The following SV2B variants were observed in gnomAD, a reference collection of about 807,000 sequenced individuals.
The protein encoded by SV2B is synaptic vesicle glycoprotein 2B.
Under a neutral mutation model 73.9 loss-of-function variants are expected in SV2B, and 41 were observed. That is an observed-to-expected ratio of 0.56 (90% CI 0.43 to 0.72). SV2B has a LOEUF of 0.72. SV2B is among the 30% of genes least tolerant of loss of function. The pLI, the probability that SV2B is intolerant of heterozygous loss-of-function variation, is 0.00. For missense variants in SV2B, 764 were observed against 857.8 expected, an observed-to-expected ratio of 0.89 and a Z score of 1.37; for synonymous variants, 314 against 314.2, an observed-to-expected ratio of 1.00 and a Z score of 0.01.
At chr15:91,162,664 CA>C (rs1476103928) in intron 1 of SV2B, among the ~76,000 whole-genome samples, 12 of 152,210 alleles carry the variant, frequency 7.9e-5, no homozygotes, top group Non-Finnish European at 1.2e-4. Context: ...AGGGAAAAAT[CA>C]GGTTCCAATC....
chr15:91,199,122 C>T (rs906057406), intron 1 of SV2B, among the ~76,000 whole-genome samples: 5 of 152,114 alleles, frequency 3.3e-5, no homozygotes, highest in African/African-American at 1.2e-4. Flanking sequence ...GCCACAGTCT[C>T]CTGAGTAGAT....
At chr15:91,159,203 T>G (rs912622549) in intron 1 of SV2B, among the ~76,000 whole-genome samples, 3 of 152,224 alleles carry the variant, frequency 2.0e-5, no homozygotes, top group Admixed American at 6.5e-5. Context: ...CCACCTCAGC[T>G]TCTCTGTCCT....
intron 1 of SV2B, among the ~76,000 whole-genome samples, chr15:91,146,392 C>T (rs1005811885): frequency 6.6e-6 from 1 of 152,048 alleles, no homozygotes; most frequent in African/African-American, 2.4e-5. Context: ...ATGCCTGTGG[C>T]TTTGTTCTTT....
intron 1 of SV2B, among the ~76,000 whole-genome samples, chr15:91,185,179 C>T (rs1394857677): frequency 6.6e-6 from 1 of 152,194 alleles, no homozygotes; most frequent in African/African-American, 2.4e-5. Flanking sequence ...CTCAGTGGAG[C>T]CCACCTCAGC....
intron 1 of SV2B, among the ~76,000 whole-genome samples, chr15:91,169,713 A>C (rs890686290): frequency 5.3e-5 from 8 of 152,204 alleles, no homozygotes; most frequent in African/African-American, 1.9e-4. Flanking sequence ...TCAGGTGGTG[A>C]TAAGTGACAC....
chr15:91,213,470 T>A (rs1159572964), intron 1 of SV2B, among the ~76,000 whole-genome samples: 2 of 152,180 alleles, frequency 1.3e-5, no homozygotes, highest in African/African-American at 4.8e-5. Flanking sequence ...GGTAAAGGTA[T>A]GTATCTCCTT....
At chr15:91,248,384 G>C (rs779801342) in intron 2 of SV2B, among the ~76,000 whole-genome samples, 6 of 152,252 alleles carry the variant, frequency 3.9e-5, no homozygotes, top group Admixed American at 1.3e-4. Flanking sequence ...ATTTGTGTCT[G>C]AGTTTATGTT....
intron 1 of SV2B, among the ~76,000 whole-genome samples, chr15:91,210,689 A>G (rs1187565001): frequency 1.3e-5 from 2 of 152,194 alleles, no homozygotes; most frequent in Non-Finnish European, 2.9e-5. Flanking sequence ...GAAGAGATCA[A>G]ATTTCCAGCC....
rs954063752 is a variant in SV2B at position 91,284,504 on chromosome 15, G to C, written c.1708+283G>C. On this transcript the variant is annotated intron_variant, in intron 11 of 12. Transcript: ENST00000394232. The surrounding 1 kb of genome is among the most constrained non-coding windows in gnomAD (Gnocchi z 4.5). ...TTTAATCTATTAGCACTTCAATAAG[G>C]GTAGTAATAATATCCACCCTGCCTC... is the stretch of plus-strand genomic sequence containing the variant. 2.4e-4 allele frequency among the ~76,000 whole-genome samples: 37 copies of C among 152,046 alleles called. No individual in the cohort carries two copies. The highest frequency in any genetic ancestry group is 2.6e-4 in the Admixed American group (4 of 15,260).
Position 91,140,374 on chromosome 15 carries a change from A to G in SV2B, c.-392+40011A>G, listed in dbSNP as rs1178639733. Among the ~76,000 whole-genome samples the G allele has an allele frequency of 1.3e-5, 2 of 152,236 alleles. No homozygotes were observed. The highest frequency in any genetic ancestry group is 2.9e-5 in the Non-Finnish European group (2 of 68,038). On this transcript the variant is annotated intron_variant, in intron 1 of 12. Coordinates refer to ENST00000394232, the MANE Select transcript of SV2B (RefSeq NM_001323032.3). This position sits in a 1 kb window ranked among gnomAD's most constrained non-coding sequence, Gnocchi z 4.4. Reference sequence around the variant, plus strand: ...TAAAATAATAAAAATGCCTTTCAGCATTTTCTGTCTCAAAAGTCTAGTGCT... The same window carrying G: ...TAAAATAATAAAAATGCCTTTCAGCGTTTTCTGTCTCAAAAGTCTAGTGCT...
intron 1 of SV2B, among the ~76,000 whole-genome samples, chr15:91,192,332 A>G (rs2045069560): frequency 1.3e-5 from 2 of 152,226 alleles, no homozygotes; most frequent in South Asian, 4.1e-4. Context: ...TGGCTGACAT[A>G]CAATTCTATG....
chr15:91,107,576 G>T (rs1297463178), intron 1 of SV2B, among the ~76,000 whole-genome samples: 1 of 151,824 alleles, frequency 6.6e-6, no homozygotes, highest in Non-Finnish European at 1.5e-5. Flanking sequence ...CTCCCAAAGT[G>T]CTGGGATTAC....
intron 1 of SV2B, among the ~76,000 whole-genome samples, chr15:91,195,166 G>GT (rs951307544): frequency 1.5e-4 from 22 of 151,018 alleles, no homozygotes; most frequent in Admixed American, 2.0e-4. Context: ...GTAAACTATT[G>GT]TTTTTTTTTG....
chr15:91,182,924 G>A (rs1052481113), intron 1 of SV2B, among the ~76,000 whole-genome samples: 3 of 152,216 alleles, frequency 2.0e-5, no homozygotes, highest in Non-Finnish European at 2.9e-5. Context: ...ATACCCATAG[G>A]CTTTAAGATT....
chr15:91,246,796 C>T (rs1280024261), intron 2 of SV2B, among the ~76,000 whole-genome samples: 1 of 151,778 alleles, frequency 6.6e-6, no homozygotes, highest in East Asian at 1.9e-4. Flanking sequence ...TCCTGGTTTT[C>T]AATTTCCTCA....
At chr15:91,215,533 C>T (rs1400714597) in intron 1 of SV2B, among the ~76,000 whole-genome samples, 1 of 152,138 alleles carries the variant, frequency 6.6e-6, no homozygotes, top group African/African-American at 2.4e-5. Flanking sequence ...AATTGGCAAA[C>T]ATTAACATCT....
At chr15:91,172,406 A>G (rs531304337) in intron 1 of SV2B, among the ~76,000 whole-genome samples, 25 of 152,324 alleles carry the variant, frequency 1.6e-4, no homozygotes, top group Non-Finnish European at 2.9e-4. Context: ...CTACTGAGAT[A>G]CAGAAGACAC....
chr15:91,162,796 G>A (rs12593338), intron 1 of SV2B, among the ~76,000 whole-genome samples: 59,549 of 151,970 alleles, frequency 0.39, 12,169 homozygotes, highest in East Asian at 0.7. Flanking sequence ...TATACTTTAA[G>A]TTCTACGGTA....
chr15:91,208,874 G>A (rs756417076), intron 1 of SV2B, among the ~76,000 whole-genome samples: 14 of 152,052 alleles, frequency 9.2e-5, no homozygotes, highest in Non-Finnish European at 1.9e-4. Flanking sequence ...CAGTATCCAC[G>A]GACAGTTTAA....
Sources: gnomAD v4.1 joint callset for allele counts (sites outside exome capture counted in the v4.1 genomes callset) on GRCh38, gnomAD v4.1.1 for gene constraint, Gnocchi (gnomAD v3.1) non-coding constraint, MANE v1.5 for transcripts, NCBI Gene and HGNC (gene_info 2026-07-23, HGNC 2026-07-21) for gene names.